NELL1: variants seen among roughly 807,000 people sequenced by gnomAD.
The protein encoded by NELL1 is protein kinase C-binding protein NELL1.
NELL1 carries 76 observed loss-of-function variants against 107.4 expected under a neutral mutation model. That is an observed-to-expected ratio of 0.71 (90% CI 0.59 to 0.86). NELL1 has a LOEUF of 0.86. NELL1 is among the 40% of genes least tolerant of loss of function. NELL1 has a pLI of 0.00. For missense variants in NELL1, 1,024 were observed against 1,005.5 expected (o/e 1.02, Z -0.25); for synonymous variants, 353 against 341.2 (o/e 1.03, Z -0.38).
chr11:20,765,353 C>G (rs768389669), intron 2 of NELL1, among the ~76,000 whole-genome samples: 30 of 152,156 alleles, frequency 2.0e-4, no homozygotes, highest in Non-Finnish European at 3.8e-4. Flanking sequence ...TCCATCCATC[C>G]ATTTCTCCAA....
At chr11:20,961,339 A>G (rs751020051) in intron 12 of NELL1, among the ~76,000 whole-genome samples, 7 of 152,156 alleles carry the variant, frequency 4.6e-5, no homozygotes, top group Non-Finnish European at 7.4e-5. Flanking sequence ...TCCATTTCCA[A>G]CGTGCTCATG....
intron 13 of NELL1, among the ~76,000 whole-genome samples, chr11:21,188,513 T>A (rs574078316): frequency 6.6e-6 from 1 of 152,008 alleles, no homozygotes; most frequent in East Asian, 1.9e-4. Flanking sequence ...CTTTACTCAT[T>A]CTCACAGTCT....
At chr11:20,755,550 G>GTTT (rs1226891368) in intron 2 of NELL1, among the ~76,000 whole-genome samples, 1,503 of 114,366 alleles carry the variant, frequency 0.013, 48 homozygotes, top group African/African-American at 0.063. Flanking sequence ...GTTTTTTTTT[G>GTTT]TTTTTGTTTT....
chr11:21,233,395 C>T (rs755533240), intron 14 of NELL1, among the ~76,000 whole-genome samples: 1 of 152,140 alleles, frequency 6.6e-6, no homozygotes, highest in Non-Finnish European at 1.5e-5. Flanking sequence ...CCCTTTCCTC[C>T]TTTTCTTTGT....
chr11:21,305,516 G>A (rs1374243851), intron 14 of NELL1, among the ~76,000 whole-genome samples: 5 of 151,880 alleles, frequency 3.3e-5, no homozygotes, highest in African/African-American at 1.2e-4. Flanking sequence ...TTTTTCAAAA[G>A]TGTGCTTCCA....
intron 17 of NELL1, 127 bp downstream of exon 17, chr11:21,560,509 T>C (rs1347417926): frequency 7.7e-6 from 6 of 780,952 alleles, no homozygotes; most frequent in Non-Finnish European, 1.2e-5. Context: ...CCTGTTCTTA[T>C]CTACATTACA....
intron 2 of NELL1, among the ~76,000 whole-genome samples, chr11:20,742,266 A>G (rs1181148499): frequency 6.6e-6 from 1 of 152,184 alleles, no homozygotes; most frequent in Non-Finnish European, 1.5e-5. Context: ...GTGCTGTGCT[A>G]TGTCTTACTG....
chr11:21,374,565 TC>T (rs1851426676), intron 15 of NELL1, among the ~76,000 whole-genome samples: 1 of 152,042 alleles, frequency 6.6e-6, no homozygotes, highest in African/African-American at 2.4e-5. Context: ...GGAGACTCAC[TC>T]TAGCCCACAC....
chr11:21,455,870 C>A (rs1853715237), intron 15 of NELL1, among the ~76,000 whole-genome samples: 1 of 44,674 alleles, frequency 2.2e-5, no homozygotes, highest in African/African-American at 9.4e-5. Context: ...TTTCTTCTTT[C>A]TTTTCTTTTT....
chr11:20,735,602 G>T (rs1012494389), intron 2 of NELL1, among the ~76,000 whole-genome samples: 3 of 152,174 alleles, frequency 2.0e-5, no homozygotes, highest in African/African-American at 7.2e-5. Context: ...TGAGATTTGG[G>T]TGGGGACAGA....
chr11:20,985,361 G>T (rs183993158), intron 12 of NELL1, among the ~76,000 whole-genome samples: 9 of 152,184 alleles, frequency 5.9e-5, no homozygotes, highest in Non-Finnish European at 1.5e-5. Context: ...ATAAAATATA[G>T]CTATCATTTT....
intron 2 of NELL1, among the ~76,000 whole-genome samples, chr11:20,688,471 C>T (rs1397473880): frequency 6.6e-6 from 1 of 152,048 alleles, no homozygotes; most frequent in African/African-American, 2.4e-5. Flanking sequence ...TAAGTGAGAA[C>T]CTGTAGTATT....
At chr11:21,288,661 T>A (rs1012561564) in intron 14 of NELL1, among the ~76,000 whole-genome samples, 1 of 152,216 alleles carries the variant, frequency 6.6e-6, no homozygotes, top group Non-Finnish European at 1.5e-5. Flanking sequence ...GGGATTGTTG[T>A]CAAAATTAAG....
Position 20,933,633 on chromosome 11 carries a change from T to C in NELL1, c.998-4153T>C, listed in dbSNP as rs1428996373. ...AAACAGTGTGCTGATTTTGACATTCTAGGCCGCTGAGTACCAAGGGATGGC... is the reference window on the plus strand; with the variant it reads ...AAACAGTGTGCTGATTTTGACATTCCAGGCCGCTGAGTACCAAGGGATGGC... On this transcript the variant is annotated intron_variant, in intron 9 of 19. Transcript: ENST00000357134. Among the ~76,000 whole-genome samples the C allele has an allele frequency of 5.9e-5, 9 of 152,170 alleles. No homozygotes were observed. The South Asian group carries it at 1.9e-3, about 31-fold the overall frequency.
intron 14 of NELL1, among the ~76,000 whole-genome samples, chr11:21,278,240 A>C (rs575203424): frequency 6.6e-6 from 1 of 152,208 alleles, no homozygotes; most frequent in African/African-American, 2.4e-5. Flanking sequence ...AGGCAAGTAT[A>C]TCCCCTCTTA....
chr11:21,346,713 A>G (rs1232115373), intron 14 of NELL1, among the ~76,000 whole-genome samples: 1 of 150,036 alleles, frequency 6.7e-6, no homozygotes, highest in Admixed American at 6.7e-5. Context: ...GTGACTATTA[A>G]TGAAGCATAG....
rs201956349 is a variant in NELL1 at position 20,671,778 on chromosome 11, G to GT, written c.55+2000_55+2001insT. 1.4e-3 allele frequency among the ~76,000 whole-genome samples: 211 copies of GT among 152,016 alleles called. 1 individual carries two copies. Among genetic ancestry groups the GT allele is most frequent in the African/African-American group, 5.0e-3 (205 of 41,356 alleles). On this transcript the variant is annotated intron_variant, in intron 1 of 19. Coordinates refer to ENST00000357134, the MANE Select transcript of NELL1 (RefSeq NM_006157.5). ...TTTTAATTTTACAGATTGATGGGGGGGGTGGTGGAGAGGTAGGAGTATAAG... is the reference window on the plus strand; with the variant it reads ...TTTTAATTTTACAGATTGATGGGGGGTGGTGGTGGAGAGGTAGGAGTATAAG...
chr11:20,817,858 T>G (rs1431769203), intron 3 of NELL1, among the ~76,000 whole-genome samples: 4 of 152,014 alleles, frequency 2.6e-5, no homozygotes, highest in African/African-American at 9.7e-5. Context: ...TTCTGCCTTG[T>G]TTTAATTGTT....
intron 15 of NELL1, among the ~76,000 whole-genome samples, chr11:21,398,495 C>T (rs1011786269): frequency 4.6e-5 from 7 of 151,544 alleles, no homozygotes; most frequent in African/African-American, 1.2e-4. Flanking sequence ...AAAAAAGATC[C>T]AAGAGGGAGC....
Sources: allele counts gnomAD v4.1 joint callset (sites outside exome capture counted in the v4.1 genomes callset), GRCh38; gene constraint gnomAD v4.1.1; transcripts MANE v1.5; gene names NCBI Gene and HGNC (gene_info 2026-07-23, HGNC 2026-07-21).